Variants in PWWP2A observed in about 807,000 individuals in gnomAD.
PWWP2A encodes PWWP domain-containing protein 2A.
In PWWP2A, 18 loss-of-function variants were observed where a neutral mutation model predicts 48.5. The observed-to-expected ratio is 0.37, with a 90% CI of 0.26 to 0.55. PWWP2A has a LOEUF of 0.55. Among genes scored for constraint, PWWP2A ranks in the 20% least tolerant of loss-of-function variants. The probability of loss-of-function intolerance (pLI) is 0.81; values close to 1 mark genes in which losing one functional copy is unlikely to be tolerated. For missense variants in PWWP2A, 867 were observed against 976.4 expected (o/e 0.89, Z 1.49); for synonymous variants, 396 against 387.7 (o/e 1.02, Z -0.25).
chr5:160,118,597 C>T (rs1322577896), intron 1 of PWWP2A, among the ~76,000 whole-genome samples: 2 of 152,184 alleles, frequency 1.3e-5, no homozygotes, highest in African/African-American at 2.4e-5. Context: ...GGCACACCTG[C>T]CCCGCAGGCG....
downstream of PWWP2A, among the ~76,000 whole-genome samples, chr5:160,071,543 T>C (rs922749075): frequency 2.0e-5 from 3 of 152,218 alleles, no homozygotes; most frequent in African/African-American, 7.2e-5. Flanking sequence ...AAGTGAATGG[T>C]TGCTTTAATC....
chr5:160,087,785 A>G (rs1183880260), downstream of PWWP2A, among the ~76,000 whole-genome samples: 2 of 152,246 alleles, frequency 1.3e-5, no homozygotes, highest in Non-Finnish European at 2.9e-5. Context: ...AGTGATTTCC[A>G]TACATGCCAC....
At chr5:160,076,279 TAAAG>T (rs1753884251) in exon 4 of PWWP2A, 1 of 152,186 alleles carries the variant, frequency 6.6e-6, no homozygotes, top group African/African-American at 2.4e-5. Context: ...TCTACACAAA[TAAAG>T]AATTCTAAAG....
At chr5:160,072,491 G>C (rs143597577), downstream of PWWP2A, among the ~76,000 whole-genome samples, 1 of 152,232 alleles carries the variant, frequency 6.6e-6, no homozygotes. Flanking sequence ...ACCTGCGGGG[G>C]GCGAGGTGGG....
intron 1 of PWWP2A, chr5:160,116,555 A>T (rs147767330): frequency 7.7e-4 from 306 of 397,982 alleles, no homozygotes; most frequent in African/African-American, 6.1e-3. Context: ...CCTCCAACAA[A>T]AGAAATTGCT....
chr5:160,119,201 G>A lies in PWWP2A; in HGVS notation c.188C>T (p.Ala63Val). The change falls in exon 1 of 2, where the codon GCC (alanine) becomes GTC (valine). Residue 63 changes from alanine to valine, a missense_variant. Transcript: ENST00000307063. ...ETDGQQSAPQADEPPLPPPPP... is the reference protein window; with the variant it reads ...ETDGQQSAPQVDEPPLPPPPP... ...TGGCGGCGGGAGCGGCGGCTCGTCG[G>A]CCTGAGGAGCGGATTGCTGCCCGTC... The A allele has an allele frequency of 1.4e-6, 2 of 1,456,668 alleles. No homozygotes were observed. Among genetic ancestry groups the A allele is most frequent in the South Asian group, 1.4e-5 (1 of 70,998 alleles). The allele number at this position is 1,456,668 out of a possible 1,614,324, so 90.2% of individuals were successfully genotyped here.
chr5:160,049,051 G>A, the PWWP2A span, among the ~76,000 whole-genome samples: 5 of 152,318 alleles, frequency 3.3e-5, no homozygotes, highest in South Asian at 8.3e-4. Flanking sequence ...CCAGGACTTG[G>A]AGTATAGACC....
intron 2 of PWWP2A, among the ~76,000 whole-genome samples, chr5:160,067,890 T>A (rs1753652145): frequency 6.6e-6 from 1 of 152,190 alleles, no homozygotes; most frequent in African/African-American, 2.4e-5. Context: ...TGTGTGATTT[T>A]AAAGCTCTGG....
intron 2 of PWWP2A, among the ~76,000 whole-genome samples, chr5:160,082,215 C>A (rs1754283786): frequency 1.3e-5 from 2 of 152,008 alleles, no homozygotes; most frequent in African/African-American, 4.8e-5. Flanking sequence ...GAGGCCGAGG[C>A]GGGTGGATCA....
At chr5:160,065,379 A>T in intron 4 of PWWP2A, 1 of 504,840 alleles carries the variant, frequency 2.0e-6, no homozygotes. Flanking sequence ...CACACAGCCC[A>T]GCAAAAGCCT....
downstream of PWWP2A, chr5:160,089,459 A>T: frequency 9.5e-7 from 1 of 1,050,884 alleles, no homozygotes; most frequent in Non-Finnish European, 1.2e-6. Context: ...CAATCATCCC[A>T]CCTTGGCCTT....
chr5:160,075,184 C>T (rs1753839302), downstream of PWWP2A, among the ~76,000 whole-genome samples: 1 of 152,148 alleles, frequency 6.6e-6, no homozygotes, highest in South Asian at 2.1e-4. Flanking sequence ...CTGGTTCTCC[C>T]TGTTCCATTT....
chr5:160,111,852 A>G (rs1757602492), intron 1 of PWWP2A, among the ~76,000 whole-genome samples: 1 of 152,152 alleles, frequency 6.6e-6, no homozygotes. Context: ...AAACTAAGAG[A>G]GCTGGGTATA....
Position 160,080,706 on chromosome 5 carries a change from CAG to C in PWWP2A, c.1612_1613del (p.Leu538AspfsTer35). 18 of 1,575,380 alleles carry C rather than the reference CAG, an allele frequency of 1.1e-5. No homozygotes were observed. In the Middle Eastern group the frequency reaches 3.0e-3, roughly 262 times the overall value. Reference sequence around the variant, plus strand: ...CCAGTCTGAATCCACAGTGGTCTGTCAGACACTGTAAGGGAGCAGCAGGACTC... The same window carrying C: ...CCAGTCTGAATCCACAGTGGTCTGTCACACTGTAAGGGAGCAGCAGGACTC... On this transcript the variant is annotated frameshift_variant, in exon 3 of 4. Coordinates refer to the PWWP2A transcript ENST00000456329. LOFTEE classifies it high-confidence loss of function.
Position 160,119,000 on chromosome 5 carries a change from CGCTCCTCGG to C in PWWP2A, c.380_388del (p.Pro127_Glu129del), listed in dbSNP as rs1758437788. 1.3e-6 allele frequency: 2 copies of C among 1,598,174 alleles called. No individual in the cohort carries two copies. Among genetic ancestry groups the C allele is most frequent in the African/African-American group, 1.4e-5 (1 of 73,284 alleles). ...GGGCTGAGGCAGCGGCGGCTCCTCG[CGCTCCTCGG>C]GAGCCGGGGGCTGCTCCGGCGGCGA... is the stretch of plus-strand genomic sequence containing the variant. On this transcript the variant is annotated inframe_deletion, in exon 1 of 2. Transcript: ENST00000307063.
At chr5:160,073,003 T>TA (rs1357014858), downstream of PWWP2A, among the ~76,000 whole-genome samples, 1 of 17,430 alleles carries the variant, frequency 5.7e-5, no homozygotes, top group Non-Finnish European at 8.3e-5. Flanking sequence ...AGGCTCCGTC[T>TA]CAAAAAAAAA....
chr5:160,119,272 G>A lies in PWWP2A; in HGVS notation c.117C>T (p.Pro39=). ...PIPGSEAGTD[P]LPVTATEASV... is the part of the protein sequence containing the mutation. ...ACGCTTCAGTGGCCGTGACCGGGAG[G>A]GGGTCAGTGCCGGCCTCACTGCCGG... Residue 39 remains proline, a synonymous_variant, in exon 1 of 2, where the codon CCC becomes CCT. Transcript: ENST00000307063. 7.1e-7 allele frequency: 1 copy of A among 1,402,416 alleles called. No individual in the cohort carries two copies. The highest frequency in any genetic ancestry group is 3.0e-5 in the East Asian group (1 of 33,660). The allele number at this position is 1,402,416 out of a possible 1,614,324, so 86.9% of individuals were successfully genotyped here.
intron 1 of PWWP2A, among the ~76,000 whole-genome samples, chr5:160,114,465 AAG>A (rs1290394950): frequency 1.7e-4 from 26 of 149,836 alleles, no homozygotes; most frequent in Non-Finnish European, 1.5e-5. Flanking sequence ...TCTCAAAAAA[AAG>A]AAAAAGAGTT....
downstream of PWWP2A, among the ~76,000 whole-genome samples, chr5:160,059,949 C>G (rs559573632): frequency 6.6e-6 from 1 of 152,178 alleles, no homozygotes; most frequent in Non-Finnish European, 1.5e-5. Flanking sequence ...GTAAAAAACA[C>G]AATATCTGTA....
Sources: allele counts gnomAD v4.1 joint callset (sites outside exome capture counted in the v4.1 genomes callset), GRCh38; gene constraint gnomAD v4.1.1; transcripts MANE v1.5; gene names NCBI Gene and HGNC (gene_info 2026-07-23, HGNC 2026-07-21).